NDST1: variants seen among roughly 807,000 people sequenced by gnomAD.
The protein encoded by NDST1 is N-deacetylase and N-sulfotransferase 1.
In NDST1, 35 loss-of-function variants were observed where a neutral mutation model predicts 92.8. The ratio of observed to expected loss-of-function variants is 0.38; its 90% CI spans 0.29 to 0.50. The LOEUF (loss-of-function observed/expected upper bound fraction) is 0.50. Ranked by LOEUF, NDST1 falls within the 20% of genes least tolerant of loss-of-function variation. NDST1 has a pLI of 0.94. For synonymous variants in NDST1, 493 were observed against 500.3 expected, an observed-to-expected ratio of 0.99 and a Z score of 0.19; for missense variants, 822 against 1,182.7, an observed-to-expected ratio of 0.69 and a Z score of 4.47.
upstream of NDST1, among the ~76,000 whole-genome samples, chr5:150,504,404 G>A (rs907431432): frequency 6.6e-6 from 1 of 152,328 alleles, no homozygotes; most frequent in Non-Finnish European, 1.5e-5. Context: ...CTCTGTTTCC[G>A]TGTCCTCTGC....
At chr5:150,511,858 A>G (rs929643992) in intron 1 of NDST1, among the ~76,000 whole-genome samples, 1 of 146,432 alleles carries the variant, frequency 6.8e-6, no homozygotes, top group South Asian at 2.1e-4. Flanking sequence ...AATGTGGAGG[A>G]TTTTCCTTGC....
intron 4 of NDST1, among the ~76,000 whole-genome samples, chr5:150,534,162 T>G (rs1448902063): frequency 6.8e-6 from 1 of 146,972 alleles, no homozygotes; most frequent in Non-Finnish European, 1.5e-5. Context: ...AGTGGTGCAA[T>G]CACAGCTTAC....
At chr5:150,512,066 G>A (rs139958042) in intron 1 of NDST1, among the ~76,000 whole-genome samples, 10 of 152,098 alleles carry the variant, frequency 6.6e-5, no homozygotes, top group African/African-American at 1.9e-4. Context: ...CCACTGCTAC[G>A]CCCTCCCCTG....
In NDST1 at chr5:150,556,229, C is replaced by T. The variant is rs1453309089; in HGVS notation, c.*2897C>T. ...TGTGGTCCCCTCCATGAGCCTTTGC[C>T]CCAGGGTGGGTGCAGGTGCGAGTGT... On this transcript the variant is annotated 3_prime_UTR_variant, in exon 15 of 15. Coordinates refer to ENST00000261797, the MANE Select transcript of NDST1 (RefSeq NM_001543.5). The T allele has an allele frequency of 6.6e-6, 1 of 152,228 alleles. No homozygotes were observed. Among genetic ancestry groups the T allele is most frequent in the Non-Finnish European group, 1.5e-5 (1 of 68,080 alleles). The allele number at this position is 152,228 out of a possible 1,614,324, so 9.4% of individuals were successfully genotyped here. A position where few individuals can be genotyped will look rare whatever the true frequency, so the allele number is the denominator to read the frequency against.
chr5:150,534,774 G>C, intron 4 of NDST1, 93 bp from the exon 5 acceptor site: 1 of 1,524,594 alleles, frequency 6.6e-7, no homozygotes, highest in Admixed American at 1.7e-5. Flanking sequence ...TCCTGGGTGG[G>C]CTCTGGCCAT....
chr5:150,506,382 T>A (rs1467890729), upstream of NDST1, among the ~76,000 whole-genome samples: 2 of 152,018 alleles, frequency 1.3e-5, no homozygotes, highest in African/African-American at 4.8e-5. Context: ...GCTCCCAAAG[T>A]GTTGGGATGA....
intron 3 of NDST1, among the ~76,000 whole-genome samples, chr5:150,530,554 T>A (rs1221718818): frequency 3.7e-5 from 5 of 136,098 alleles, no homozygotes; most frequent in Non-Finnish European, 6.4e-5. Context: ...TTCCGTATTT[T>A]AAATTTTTTT....
At chr5:150,529,267 C>T (rs1331904857) in intron 3 of NDST1, among the ~76,000 whole-genome samples, 1 of 151,568 alleles carries the variant, frequency 6.6e-6, no homozygotes, top group Non-Finnish European at 1.5e-5. Context: ...GGTAGTAGTC[C>T]TGTAGTCCTA....
At position 150,521,834 on chromosome 5, in the gene NDST1, T is replaced by A; in HGVS notation, c.513+67T>A. ...CTGCAGCTCAGTGCCTGAATTCTCA[T>A]TTGTGAAATAGGTGTAATGGTAGCA... On this transcript the variant is annotated intron_variant, in intron 2 of 14. Coordinates refer to ENST00000261797, the MANE Select transcript of NDST1 (RefSeq NM_001543.5). This position sits in a 1 kb window ranked among gnomAD's most constrained non-coding sequence, Gnocchi z 5.9. 1 of 1,596,180 alleles carries A rather than the reference T, an allele frequency of 6.3e-7. No individual in the cohort carries two copies. Among genetic ancestry groups the A allele is most frequent in the Non-Finnish European group, 8.5e-7 (1 of 1,174,434 alleles).
upstream of NDST1, chr5:150,508,099 A>C (rs1753543632): frequency 6.6e-6 from 1 of 152,174 alleles, no homozygotes; most frequent in African/African-American, 2.4e-5. Flanking sequence ...TCTCCTGGGG[A>C]GGGGACTGGG....
intron 3 of NDST1, among the ~76,000 whole-genome samples, chr5:150,528,997 G>A (rs915979919): frequency 2.0e-5 from 3 of 152,214 alleles, no homozygotes; most frequent in African/African-American, 4.8e-5. Context: ...ATGTCAGAGC[G>A]CCTACAAAAC....
intron 1 of NDST1, among the ~76,000 whole-genome samples, chr5:150,516,993 GTGT>G (rs1561591361): frequency 6.6e-6 from 1 of 151,086 alleles, no homozygotes; most frequent in Non-Finnish European, 1.5e-5. Flanking sequence ...GTGTGTGTGT[GTGT>G]GTGTGTGTGT....
intron 14 of NDST1, 187 bp downstream of exon 14, chr5:150,552,042 A>G (rs1454065714): frequency 3.6e-6 from 2 of 562,478 alleles, no homozygotes; most frequent in Non-Finnish European, 4.5e-6. Context: ...GATTTCGTCA[A>G]ACAAGTGTTG....
In NDST1 at chr5:150,521,867, C is replaced by G; in HGVS notation, c.513+100C>G. The G allele has an allele frequency of 2.0e-6, 3 of 1,511,568 alleles. No homozygotes were observed. Among genetic ancestry groups the G allele is most frequent in the Non-Finnish European group, 2.7e-6 (3 of 1,103,880 alleles). The allele number at this position is 1,511,568 out of a possible 1,614,324, so 93.6% of individuals were successfully genotyped here. ...ATAGGTGTAATGGTAGCACCCGCCT[C>G]CTGGGGTTGTTGGGAGGGTTAAATG... On this transcript the variant is annotated intron_variant, in intron 2 of 14. Coordinates refer to ENST00000261797, the MANE Select transcript of NDST1 (RefSeq NM_001543.5). The surrounding 1 kb of genome is among the most constrained non-coding windows in gnomAD (Gnocchi z 5.9).
chr5:150,515,505 G>C (rs1180980672), intron 1 of NDST1, among the ~76,000 whole-genome samples: 1 of 152,206 alleles, frequency 6.6e-6, no homozygotes, highest in Non-Finnish European at 1.5e-5. Context: ...GGGAGAGGGG[G>C]CAGTGGTTGG....
chr5:150,535,095 T>TG (rs1393344006), intron 5 of NDST1, 74 bp downstream of exon 5: 1 of 1,550,768 alleles, frequency 6.4e-7, no homozygotes, highest in Non-Finnish European at 8.7e-7. Flanking sequence ...GCTGGCCTCT[T>TG]GCTGCTTTTG....
chr5:150,521,552 G>A lies in NDST1; in HGVS notation c.298G>A (p.Val100Met). 1 of 1,614,044 alleles carries A rather than the reference G, an allele frequency of 6.2e-7. No individual in the cohort carries two copies. Among genetic ancestry groups the A allele is most frequent in the Non-Finnish European group, 8.5e-7 (1 of 1,180,036 alleles). The change falls in exon 2 of 15, where the codon GTG becomes ATG. Residue 100 changes from valine (V) to methionine (M), a missense_variant. By Grantham distance (21) the Val-to-Met change is conservative. Coordinates refer to ENST00000261797, the MANE Select transcript of NDST1 (RefSeq NM_001543.5). The surrounding 1 kb of genome is among the most constrained non-coding windows in gnomAD (Gnocchi z 5.9). ...ESLYSQLGQE[V>M]VAILESSRFK... The stretch of plus-strand genomic sequence containing the variant: ...CCTCTACTCGCAACTGGGCCAGGAG[G>A]TGGTGGCCATCCTGGAGTCCAGCCG...
At chr5:150,551,637 T>C in intron 13 of NDST1, 116 bp from the exon 14 acceptor site, 1 of 1,322,302 alleles carries the variant, frequency 7.6e-7, no homozygotes, top group African/African-American at 1.4e-5. Flanking sequence ...TCCATGTGGG[T>C]TCAAGAGCAG....
intron 13 of NDST1, among the ~76,000 whole-genome samples, chr5:150,550,140 G>C (rs2151304427): frequency 6.8e-6 from 1 of 146,360 alleles, no homozygotes; most frequent in Admixed American, 6.9e-5. Flanking sequence ...TCACTCTGTT[G>C]CCCAGGCTGG....
Sources: gnomAD v4.1 joint callset for allele counts (sites outside exome capture counted in the v4.1 genomes callset) on GRCh38, gnomAD v4.1.1 for gene constraint, Gnocchi (gnomAD v3.1) non-coding constraint, MANE v1.5 for transcripts, NCBI Gene and HGNC (gene_info 2026-07-23, HGNC 2026-07-21) for gene names.